The following DPP6 variants were observed in gnomAD, a reference collection of about 807,000 sequenced individuals.
DPP6 encodes the protein A-type potassium channel modulatory protein DPP6.
DPP6 carries 69 observed loss-of-function variants against 122.6 expected under a neutral mutation model. The observed-to-expected ratio is 0.56, with a 90% CI of 0.46 to 0.69. The LOEUF (loss-of-function observed/expected upper bound fraction) is 0.69, where lower values mean the gene tolerates loss of function less well. Ranked by LOEUF, DPP6 falls within the 30% of genes least tolerant of loss-of-function variation. DPP6 has a pLI of 0.00. For synonymous variants in DPP6, 418 were observed against 433.1 expected, an observed-to-expected ratio of 0.97 and a Z score of 0.43; for missense variants, 928 against 1,116.9, an observed-to-expected ratio of 0.83 and a Z score of 2.41.
chr7:153,996,318 A>G (rs905977345), intron 1 of DPP6, among the ~76,000 whole-genome samples: 1 of 152,190 alleles, frequency 6.6e-6, no homozygotes, highest in Non-Finnish European at 1.5e-5. Flanking sequence ...TCAAATTATT[A>G]TTTCTTGGAG....
chr7:154,573,088 C>T (rs962187397), intron 5 of DPP6, among the ~76,000 whole-genome samples: 8 of 152,246 alleles, frequency 5.3e-5, no homozygotes, highest in African/African-American at 9.6e-5. Context: ...ATGAAATCTT[C>T]GTCCAGGAGT....
intron 1 of DPP6, among the ~76,000 whole-genome samples, chr7:153,967,577 T>C (rs1007017056): frequency 5.3e-5 from 8 of 152,200 alleles, no homozygotes; most frequent in African/African-American, 1.9e-4. Context: ...GGTGTTTCTC[T>C]GGCTCGTCGA....
chr7:153,837,837 A>ATTTTTTTTTTTTTTTTTT, the DPP6 span, among the ~76,000 whole-genome samples: 407 of 80,620 alleles, frequency 5.0e-3, 39 homozygotes, highest in Non-Finnish European at 7.3e-3. Context: ...TGCCTGGTTA[A>ATTTTTTTTTTTTTTTTTT]TTTTTTTTTT....
rs199957515 is a variant in DPP6 at position 154,611,850 on chromosome 7, C to CAT, written c.628-25966_628-25965dup. On this transcript the variant is annotated intron_variant, in intron 5 of 25. Transcript: ENST00000377770. ...TATTTAGATTTCTCCATTTTGCTTT[C>CAT]ATATATGTGTGTGTGTGTGTGTGTG... Among the ~76,000 whole-genome samples, 2,072 of 103,966 alleles carry CAT rather than the reference C, an allele frequency of 0.02. 123 individuals are homozygous for CAT. The East Asian group carries it at 0.36, about 18-fold the overall frequency. The allele number at this position is 103,966 out of a possible 152,430, so 68.2% of individuals were successfully genotyped here. A position where few individuals can be genotyped will look rare whatever the true frequency, so the allele number is the denominator to read the frequency against.
At chr7:154,727,003 T>G (rs1357154644) in intron 7 of DPP6, among the ~76,000 whole-genome samples, 1 of 152,208 alleles carries the variant, frequency 6.6e-6, no homozygotes, top group Non-Finnish European at 1.5e-5. Flanking sequence ...CTCTCTGTCT[T>G]CTGAGTCCTT....
intron 1 of DPP6, among the ~76,000 whole-genome samples, chr7:154,110,456 C>T (rs980182523): frequency 5.3e-5 from 8 of 152,150 alleles, no homozygotes; most frequent in Non-Finnish European, 1.0e-4. Flanking sequence ...GTACTTACCT[C>T]GCGGTGAATA....
In DPP6 at chr7:154,832,068, C is replaced by T. The variant is rs184568928; in HGVS notation, c.1667-21712C>T. On this transcript the variant is annotated intron_variant, in intron 16 of 25. Coordinates refer to ENST00000377770, the MANE Select transcript of DPP6 (RefSeq NM_130797.4). ...AGGTTGATTTCTTTCTCAGTAGCTT[C>T]GTGACAATTTCAAGGAAGCCACTGT... Among the ~76,000 whole-genome samples the T allele has an allele frequency of 1.0e-3, 152 of 152,332 alleles. 1 individual carries two copies. Among genetic ancestry groups the T allele is most frequent in the Admixed American group, 2.0e-3 (30 of 15,300 alleles).
chr7:154,396,529 T>C (rs1241895965), intron 1 of DPP6, among the ~76,000 whole-genome samples: 1 of 152,182 alleles, frequency 6.6e-6, no homozygotes, highest in Non-Finnish European at 1.5e-5. Context: ...GGGAATGCTA[T>C]CTCGTGCTCA....
intron 1 of DPP6, among the ~76,000 whole-genome samples, chr7:153,900,648 G>A (rs185705112): frequency 9.9e-5 from 15 of 152,220 alleles, no homozygotes; most frequent in East Asian, 5.8e-4. Flanking sequence ...TTCATGAGGC[G>A]TCTGCCTCCA....
intron 3 of DPP6, among the ~76,000 whole-genome samples, chr7:154,522,341 C>T (rs1563799675): frequency 1.3e-5 from 2 of 152,124 alleles, no homozygotes; most frequent in Non-Finnish European, 2.9e-5. Flanking sequence ...GTTATCCCGC[C>T]ACGTATGTTA....
chr7:154,809,099 G>C (rs972656462), intron 16 of DPP6, among the ~76,000 whole-genome samples: 3 of 152,152 alleles, frequency 2.0e-5, no homozygotes, highest in Non-Finnish European at 2.9e-5. Context: ...CAGCAAGAAG[G>C]GTCTGGCTTC....
intron 1 of DPP6, among the ~76,000 whole-genome samples, chr7:154,380,831 C>G (rs1251890131): frequency 6.6e-6 from 1 of 152,196 alleles, no homozygotes; most frequent in Admixed American, 6.5e-5. Flanking sequence ...TGGTTCATCC[C>G]TGTTTCCCCA....
Position 154,505,690 on chromosome 7 carries a change from A to G in DPP6, c.457+30653A>G, listed in dbSNP as rs559875034. ...GGGTTTATAGGGCTTTGGGAGGAAG[A>G]CTACAGAAGTAAAATGCCTTTCTCA... is the stretch of plus-strand genomic sequence containing the variant. On this transcript the variant is annotated intron_variant, in intron 3 of 25. Coordinates refer to ENST00000377770, the MANE Select transcript of DPP6 (RefSeq NM_130797.4). 4.6e-5 allele frequency among the ~76,000 whole-genome samples: 7 copies of G among 152,308 alleles called. 1 individual carries two copies. In the South Asian group the frequency reaches 1.5e-3, roughly 32 times the overall value.
At chr7:153,845,441 TCA>T in the DPP6 span, among the ~76,000 whole-genome samples, 2 of 152,146 alleles carry the variant, frequency 1.3e-5, no homozygotes, top group East Asian at 3.9e-4. Flanking sequence ...AAACTTTTGA[TCA>T]GTTTATCCTA....
chr7:153,808,275 G>C, the DPP6 span, among the ~76,000 whole-genome samples: 1 of 140,636 alleles, frequency 7.1e-6, no homozygotes, highest in Non-Finnish European at 1.6e-5. Flanking sequence ...CTGTGTGTGC[G>C]CACGTGTGTG....
At chr7:154,164,153 G>C (rs1797118541) in intron 1 of DPP6, among the ~76,000 whole-genome samples, 1 of 151,840 alleles carries the variant, frequency 6.6e-6, no homozygotes, top group Non-Finnish European at 1.5e-5. Context: ...AGGTGCCTGG[G>C]TTGTTCTGAC....
At chr7:154,455,678 C>T (rs1284080535) in intron 2 of DPP6, among the ~76,000 whole-genome samples, 4 of 152,058 alleles carry the variant, frequency 2.6e-5, no homozygotes, top group South Asian at 2.1e-4. Flanking sequence ...AGGTGCATCT[C>T]GCTTATTTAT....
chr7:154,820,744 T>TG (rs1799708686), intron 16 of DPP6, among the ~76,000 whole-genome samples: 1 of 152,122 alleles, frequency 6.6e-6, no homozygotes. Flanking sequence ...AAGGAGAGAT[T>TG]GGGGAGAAGG....
At chr7:153,929,207 C>G (rs1801061936) in intron 1 of DPP6, among the ~76,000 whole-genome samples, 1 of 152,022 alleles carries the variant, frequency 6.6e-6, no homozygotes, top group Non-Finnish European at 1.5e-5. Flanking sequence ...TCTAATTCAG[C>G]CAACAAGTGG....
Sources: gnomAD v4.1 joint callset for allele counts (sites outside exome capture counted in the v4.1 genomes callset) on GRCh38, gnomAD v4.1.1 for gene constraint, MANE v1.5 for transcripts, NCBI Gene and HGNC (gene_info 2026-07-23, HGNC 2026-07-21) for gene names.